MFSD12: variants seen among roughly 807,000 people sequenced by gnomAD.
MFSD12 encodes the protein major facilitator superfamily domain-containing protein 12.
Under a neutral mutation model 51.2 loss-of-function variants are expected in MFSD12, and 67 were observed. That is an observed-to-expected ratio of 1.31 (90% CI 1.08 to 1.60). The LOEUF is 1.60. Ranked by LOEUF, MFSD12 falls within the 40% of genes most tolerant of loss-of-function variation. MFSD12 has a pLI of 0.00. For missense variants in MFSD12, 921 were observed against 673.0 expected, an observed-to-expected ratio of 1.37 and a Z score of -4.08; for synonymous variants, 441 against 316.7, an observed-to-expected ratio of 1.39 and a Z score of -4.17.
At position 3,544,826 on chromosome 19, in the gene MFSD12, G is replaced by A. The variant is rs372771905; in HGVS notation, c.1403C>T (p.Pro468Leu). ...GGACTCACAGCGTCGCAGGCGGGTC[G>A]GCCACAGCAGGAGGCTACAGAGACA... Reference protein sequence around the residue: ...ALCLCSLLLWPTRLRRWDRDA... With the variant: ...ALCLCSLLLWLTRLRRWDRDA... The change falls in exon 9 of 10, where the codon CCG becomes CTG. Residue 468 changes from proline to leucine, a missense_variant. Transcript: ENST00000355415. 27 of 1,612,258 alleles carry A rather than the reference G, an allele frequency of 1.7e-5. No individual in the cohort carries two copies. Among genetic ancestry groups the A allele is most frequent in the South Asian group, 4.4e-5 (4 of 91,034 alleles).
chr19:3,544,443 G>A lies in MFSD12; in HGVS notation c.*267C>T, dbSNP rs375047664. On this transcript the variant is annotated 3_prime_UTR_variant, in exon 10 of 10. Transcript: ENST00000355415. ...CTGGGATTCCTACTTCCTGTTCCCTGCCGAGAGGGGCACCCCAAATCCTCC... is the reference window on the plus strand; with the variant it reads ...CTGGGATTCCTACTTCCTGTTCCCTACCGAGAGGGGCACCCCAAATCCTCC... 10 of 1,341,672 alleles carry A rather than the reference G, an allele frequency of 7.5e-6. No individual in the cohort carries two copies. Among genetic ancestry groups the A allele is most frequent in the Non-Finnish European group, 9.5e-6 (10 of 1,048,796 alleles). 83.1% of individuals were successfully genotyped at this position (1,341,672 alleles called of 1,614,324 possible). A position where few individuals can be genotyped will look rare whatever the true frequency, so the allele number is the denominator to read the frequency against.
At chr19:3,548,351 C>A in intron 2 of MFSD12, 84 bp from the exon 3 acceptor site, 1 of 1,502,526 alleles carries the variant, frequency 6.7e-7, no homozygotes, top group East Asian at 2.5e-5. Context: ...GTCAGAGAGG[C>A]CTGGGGAACC....
At chr19:3,543,248 TC>T, downstream of MFSD12, 1 of 1,545,560 alleles carries the variant, frequency 6.5e-7, no homozygotes, top group Non-Finnish European at 8.7e-7. Context: ...TGACTACCTG[TC>T]CCTGGAGGGT....
At chr19:3,543,495 C>G (rs1242240610), downstream of MFSD12, 11 of 1,521,482 alleles carry the variant, frequency 7.2e-6, no homozygotes, top group Non-Finnish European at 9.7e-6. Context: ...CCCCCCCGCC[C>G]TGGGCAGCGG....
At chr19:3,555,520 A>G (rs2145225320) in intron 1 of MFSD12, among the ~76,000 whole-genome samples, 1 of 152,358 alleles carries the variant, frequency 6.6e-6, no homozygotes, top group East Asian at 1.9e-4. Context: ...AGGAAGGGAC[A>G]GCCGGTCCCC....
In MFSD12 at chr19:3,544,415, C is replaced by G; in HGVS notation, c.*295G>C. On this transcript the variant is annotated 3_prime_UTR_variant, in exon 10 of 10. Transcript: ENST00000355415. ...CTCAGGGTTAGGGTTCCCCCAGACC[C>G]TTCTGGGATTCCTACTTCCTGTTCC... 7.5e-7 allele frequency: 1 copy of G among 1,326,962 alleles called. No homozygotes were observed. The highest frequency in any genetic ancestry group is 2.8e-5 in the East Asian group (1 of 35,396). The allele number at this position is 1,326,962 out of a possible 1,614,324, so 82.2% of individuals were successfully genotyped here. A position where few individuals can be genotyped will look rare whatever the true frequency, so the allele number is the denominator to read the frequency against.
downstream of MFSD12, chr19:3,543,283 G>C (rs2030588509): frequency 6.5e-7 from 1 of 1,548,000 alleles, no homozygotes; most frequent in African/African-American, 1.4e-5. Flanking sequence ...CAGCCATCAG[G>C]CAGGCCACAC....
chr19:3,546,133 G>A lies in MFSD12; in HGVS notation c.1230C>T (p.Phe410=), dbSNP rs561469096. 2 of 1,613,198 alleles carry A rather than the reference G, an allele frequency of 1.2e-6. No homozygotes were observed. The highest frequency in any genetic ancestry group is 1.3e-5 in the African/African-American group (1 of 74,952). ...SGAFVYGSMS[F]LDKVANGLAV... The stretch of plus-strand genomic sequence containing the variant: ...CCAGCCCATTGGCCACCTTATCCAA[G>A]AAGCTCATGGAGCCGTACACGAACG... Residue 410 remains phenylalanine, a synonymous_variant, in exon 8 of 10, where the codon TTC becomes TTT. Transcript: ENST00000355415.
exon 5 of MFSD12, chr19:3,538,704 C>T (rs1443826463): frequency 4.2e-6 from 2 of 473,926 alleles, no homozygotes; most frequent in African/African-American, 2.0e-5. Flanking sequence ...GTGTTCTCCG[C>T]CTCGGGCTGT....
downstream of MFSD12, among the ~76,000 whole-genome samples, chr19:3,540,937 G>A (rs373920319): frequency 2.0e-5 from 3 of 151,510 alleles, no homozygotes; most frequent in African/African-American, 4.8e-5. Flanking sequence ...TTGGGAGGCC[G>A]AGGCGGGTGG....
intron 8 of MFSD12, among the ~76,000 whole-genome samples, chr19:3,545,170 C>G (rs1041385930): frequency 2.6e-5 from 4 of 152,188 alleles, no homozygotes; most frequent in Non-Finnish European, 4.4e-5. Flanking sequence ...TCCCTGTCTC[C>G]TCATGGTCCA....
chr19:3,548,086 C>G (rs762680591), intron 3 of MFSD12, 37 bp downstream of exon 3: 2 of 1,602,480 alleles, frequency 1.2e-6, no homozygotes, highest in Non-Finnish European at 1.7e-6. Context: ...GCCCCTGGCT[C>G]GAGGACTTCA....
In MFSD12 at chr19:3,546,408, G is replaced by C. The variant is rs1240601831; in HGVS notation, c.1041C>G (p.Gly347=). ...CGGCAAAGGCCAGGATCACCAGGAG[G>C]CCTGAGAAGTAGGTCATCTGCAGGG... ...CIGRNMTYFS[G]LLVILAFAAW... The change falls in exon 7 of 10, where the codon GGC becomes GGG. Residue 347 remains glycine (G), a synonymous_variant. Transcript: ENST00000355415. 6.2e-7 allele frequency: 1 copy of C among 1,606,954 alleles called. No individual in the cohort carries two copies. Among genetic ancestry groups the C allele is most frequent in the Admixed American group, 1.7e-5 (1 of 59,072 alleles).
At chr19:3,538,839 G>A (rs1237990526) in intron 4 of MFSD12, 3 of 568,772 alleles carry the variant, frequency 5.3e-6, no homozygotes, top group Non-Finnish European at 1.0e-5. Flanking sequence ...ACCCCGGCCA[G>A]GCACTGCCTC....
rs1370481339 is a variant in MFSD12 at position 3,547,487 on chromosome 19, T to G, written c.898A>C (p.Met300Leu). 3.7e-6 allele frequency: 6 copies of G among 1,613,146 alleles called. No homozygotes were observed. The highest frequency in any genetic ancestry group is 4.2e-6 in the Non-Finnish European group (5 of 1,179,966). The change falls in exon 5 of 10, where the codon ATG (methionine) becomes CTG (leucine). Residue 300 changes from methionine (M) to leucine (L), a missense_variant. Physicochemically the swap from Met to Leu is conservative, Grantham distance 15. Transcript: ENST00000355415. ...AGGTGGAGCGAGTAGGTGAGGTACA[T>G]GGCCATGTAGGTCTGGGACAGGTTC... ...IVNLSQTYMA[M>L]YLTYSLHLPK...
chr19:3,544,557 C>T lies in MFSD12; in HGVS notation c.*153G>A. 7.0e-7 allele frequency: 1 copy of T among 1,437,762 alleles called. No homozygotes were observed. The highest frequency in any genetic ancestry group is 9.1e-7 in the Non-Finnish European group (1 of 1,099,756). 89.1% of individuals were successfully genotyped at this position (1,437,762 alleles called of 1,614,324 possible). On this transcript the variant is annotated 3_prime_UTR_variant, in exon 10 of 10. Transcript: ENST00000355415. ...GTCCCTGGCGGGCATCCCTGCTGCC[C>T]TCACCCGACCCCACCCCCGGGAGCT...
chr19:3,544,258 TGCCCACCACGGTGGGGTCCAGGCCCA>T lies in MFSD12; in HGVS notation c.*426_*451del, dbSNP rs1391349988. ...CACCAAGCCTGCCGGGCAGCCCTGC[TGCCCACCACGGTGGGGTCCAGGCCCA>T]GCCCACCACCCCGTGGCTGTCTCCT... On this transcript the variant is annotated 3_prime_UTR_variant, in exon 10 of 10. Coordinates refer to ENST00000355415, the MANE Select transcript of MFSD12 (RefSeq NM_174983.5). 3.6e-5 allele frequency: 43 copies of T among 1,189,338 alleles called. No homozygotes were observed. The highest frequency in any genetic ancestry group is 3.5e-4 in the Middle Eastern group (1 of 2,858). The allele number at this position is 1,189,338 out of a possible 1,614,324, so 73.7% of individuals were successfully genotyped here.
At chr19:3,554,893 G>C (rs1041821560) in intron 1 of MFSD12, among the ~76,000 whole-genome samples, 3 of 152,194 alleles carry the variant, frequency 2.0e-5, no homozygotes, top group African/African-American at 7.2e-5. Flanking sequence ...AAGAGCGGCT[G>C]CCTGGGCTTC....
Position 3,546,467 on chromosome 19 carries a change from C to T in MFSD12, c.1024-42G>A, listed in dbSNP as rs1333102372. 13 of 1,559,260 alleles carry T rather than the reference C, an allele frequency of 8.3e-6. No homozygotes were observed. The East Asian group carries it at 9.3e-5, about 11-fold the overall frequency. ...GGGGTCAGGCCCACACCACTGGGTG[C>T]CCCCAAGCCTGGCGCTTCAATCCGC... On this transcript the variant is annotated intron_variant, in intron 6 of 9. Coordinates refer to ENST00000355415, the MANE Select transcript of MFSD12 (RefSeq NM_174983.5).
Sources: allele counts gnomAD v4.1 joint callset (sites outside exome capture counted in the v4.1 genomes callset), GRCh38; gene constraint gnomAD v4.1.1; transcripts MANE v1.5; gene names NCBI Gene and HGNC (gene_info 2026-07-23, HGNC 2026-07-21).